The following TSPAN5 variants were observed in gnomAD, a reference collection of about 807,000 sequenced individuals.
The protein encoded by TSPAN5 is tetraspanin 5.
In TSPAN5, 10 loss-of-function variants were observed where a neutral mutation model predicts 37.1. That is an observed-to-expected ratio of 0.27 (90% confidence interval 0.17 to 0.46). The LOEUF (loss-of-function observed/expected upper bound fraction) is 0.46. Ranked by LOEUF, TSPAN5 falls within the 20% of genes least tolerant of loss-of-function variation. The pLI, the probability that TSPAN5 is intolerant of heterozygous loss-of-function variation, is 1.00. For missense variants in TSPAN5, 195 were observed against 326.6 expected, an observed-to-expected ratio of 0.60 and a Z score of 3.11; for synonymous variants, 110 against 118.9, an observed-to-expected ratio of 0.93 and a Z score of 0.48.
At position 98,549,364 on chromosome 4, in the gene TSPAN5, G is replaced by A. The variant is rs945861232; in HGVS notation, c.82-41636C>T. 5.3e-5 allele frequency among the ~76,000 whole-genome samples: 8 copies of A among 150,662 alleles called. No individual in the cohort carries two copies. The East Asian group carries it at 1.6e-3, about 29-fold the overall frequency. ...GTCACCCAGGATGGAGTGCAGTGGT[G>A]TGATTTCGGCTCACTGCAACCTCTG... On this transcript the variant is annotated intron_variant, in intron 1 of 7. Transcript: ENST00000305798.
At chr4:98,651,398 C>T (rs1757182304) in intron 1 of TSPAN5, among the ~76,000 whole-genome samples, 1 of 152,178 alleles carries the variant, frequency 6.6e-6, no homozygotes, top group Non-Finnish European at 1.5e-5. Flanking sequence ...TGCTTTAAAA[C>T]ATTATGGGAG....
intron 2 of TSPAN5, 124 bp downstream of exon 2, chr4:98,507,554 C>T (rs546896447): frequency 1.3e-5 from 8 of 628,370 alleles, no homozygotes; most frequent in African/African-American, 5.6e-5. Flanking sequence ...TCCACCAACA[C>T]TTTTTCTTGT....
rs1560532920 is a variant in TSPAN5 at position 98,549,292 on chromosome 4, G to GGTTTT, written c.82-41565_82-41564insAAAAC. ...GTGGTTGTTTTATTTTTGTTTGTTTGTTTGTTTTTGTTTTTTTTTGTTTTT... is the reference window on the plus strand; with the variant it reads ...GTGGTTGTTTTATTTTTGTTTGTTTGGTTTTTTTGTTTTTGTTTTTTTTTGTTTTT... On this transcript the variant is annotated intron_variant, in intron 1 of 7. Coordinates refer to ENST00000305798, the MANE Select transcript of TSPAN5 (RefSeq NM_005723.4). Among the ~76,000 whole-genome samples the GGTTTT allele has an allele frequency of 1.3e-4, 19 of 147,162 alleles. 1 individual carries two copies. Among genetic ancestry groups the GGTTTT allele is most frequent in the African/African-American group, 4.9e-4 (19 of 38,712 alleles).
intron 1 of TSPAN5, among the ~76,000 whole-genome samples, chr4:98,630,409 A>C (rs1472819518): frequency 6.6e-6 from 1 of 152,070 alleles, no homozygotes; most frequent in Non-Finnish European, 1.5e-5. Flanking sequence ...CTTATACACC[A>C]CTTCTCGTTT....
chr4:98,477,416 A>C (rs543647480), intron 5 of TSPAN5, among the ~76,000 whole-genome samples: 2 of 152,020 alleles, frequency 1.3e-5, no homozygotes, highest in Admixed American at 1.3e-4. Context: ...CTGCTTTTCC[A>C]CTCCAAGACC....
At chr4:98,604,773 C>T (rs1291985066) in intron 1 of TSPAN5, among the ~76,000 whole-genome samples, 1 of 152,232 alleles carries the variant, frequency 6.6e-6, no homozygotes, top group Non-Finnish European at 1.5e-5. Flanking sequence ...TGAGCACATA[C>T]TACAGTCTCA....
intron 1 of TSPAN5, among the ~76,000 whole-genome samples, chr4:98,645,734 C>G (rs1757052124): frequency 6.6e-6 from 1 of 152,100 alleles, no homozygotes; most frequent in Non-Finnish European, 1.5e-5. Flanking sequence ...TTCGTGTTTA[C>G]GCAACAGGGA....
chr4:98,489,634 G>A lies in TSPAN5; in HGVS notation c.133-2750C>T, dbSNP rs72688439. On this transcript the variant is annotated intron_variant, in intron 2 of 7. Coordinates refer to ENST00000305798, the MANE Select transcript of TSPAN5 (RefSeq NM_005723.4). ...AGCCACCACTGACTTCCACCCCTCC[G>A]GATCCGGCAGGGTATCCGCTGTGCT... 3.9e-3 allele frequency among the ~76,000 whole-genome samples: 587 copies of A among 152,258 alleles called. 4 individuals are homozygous for A. The highest frequency in any genetic ancestry group is 0.012 in the South Asian group (58 of 4,824).
At chr4:98,644,160 A>G (rs1757014791) in intron 1 of TSPAN5, among the ~76,000 whole-genome samples, 1 of 152,096 alleles carries the variant, frequency 6.6e-6, no homozygotes, top group African/African-American at 2.4e-5. Context: ...GTTTATTCAC[A>G]AGGTATTTGC....
intron 1 of TSPAN5, among the ~76,000 whole-genome samples, chr4:98,553,106 G>A (rs1754659912): frequency 6.6e-6 from 1 of 152,124 alleles, no homozygotes; most frequent in Non-Finnish European, 1.5e-5. Flanking sequence ...AATTTTATAT[G>A]TATTTAAATT....
Position 98,658,544 on chromosome 4 carries a change from C to T in TSPAN5, c.-318G>A, listed in dbSNP as rs925923040. 3.4e-5 allele frequency: 6 copies of T among 178,686 alleles called. No individual in the cohort carries two copies. The highest frequency in any genetic ancestry group is 1.2e-4 in the African/African-American group (5 of 42,492). The allele number at this position is 178,686 out of a possible 1,614,324, so 11.1% of individuals were successfully genotyped here. A position where few individuals can be genotyped will look rare whatever the true frequency, so the allele number is the denominator to read the frequency against. Reference sequence around the variant, plus strand: ...GCGTCCGTGCGCCAGGCGGTCGGTCCGTCGGTTCGTCCCCGGGCTTCGGGC... The same window carrying T: ...GCGTCCGTGCGCCAGGCGGTCGGTCTGTCGGTTCGTCCCCGGGCTTCGGGC... On this transcript the variant is annotated 5_prime_UTR_variant, in exon 1 of 8. Transcript: ENST00000305798.
intron 1 of TSPAN5, among the ~76,000 whole-genome samples, chr4:98,522,352 C>G (rs955609496): frequency 6.6e-6 from 1 of 152,216 alleles, no homozygotes; most frequent in African/African-American, 2.4e-5. Context: ...TGAATTTTCT[C>G]CTGGTGGGCC....
intron 1 of TSPAN5, among the ~76,000 whole-genome samples, chr4:98,552,139 CT>C (rs11284973): frequency 0.052 from 7,853 of 151,970 alleles, 479 homozygotes; most frequent in Admixed American, 0.13. Context: ...TTTTGTTTAT[CT>C]TTTCAAAAAA....
chr4:98,533,771 C>T (rs1443224620), intron 1 of TSPAN5, among the ~76,000 whole-genome samples: 5 of 148,570 alleles, frequency 3.4e-5, no homozygotes, highest in Admixed American at 6.7e-5. Flanking sequence ...AGGATGGTCT[C>T]GATCGCCTGA....
intron 1 of TSPAN5, among the ~76,000 whole-genome samples, chr4:98,634,583 G>A (rs916029425): frequency 6.6e-6 from 1 of 152,150 alleles, no homozygotes; most frequent in African/African-American, 2.4e-5. Flanking sequence ...CATAAGGAGG[G>A]AAAAACGCTT....
chr4:98,539,149 A>C (rs1047716115), intron 1 of TSPAN5, among the ~76,000 whole-genome samples: 3 of 152,096 alleles, frequency 2.0e-5, no homozygotes, highest in African/African-American at 7.2e-5. Flanking sequence ...CACCAAAAAA[A>C]AAAAAAACCA....
At chr4:98,521,051 C>A (rs1753843134) in intron 1 of TSPAN5, among the ~76,000 whole-genome samples, 1 of 152,180 alleles carries the variant, frequency 6.6e-6, no homozygotes, top group Non-Finnish European at 1.5e-5. Flanking sequence ...CCTGCCTCAG[C>A]CTCCTGAGTA....
rs1038081383 is a variant in TSPAN5, at chr4:98,470,788, G to A, written c.*1734C>T. ...CAGTTTTGAAAATAATTTCCTTTTT[G>A]TCCTTTCTCTGAGCAGACTGACACA... On this transcript the variant is annotated 3_prime_UTR_variant, in exon 8 of 8. Coordinates refer to ENST00000305798, the MANE Select transcript of TSPAN5 (RefSeq NM_005723.4). 6.6e-6 allele frequency: 1 copy of A among 152,232 alleles called. No homozygotes were observed. The highest frequency in any genetic ancestry group is 2.4e-5 in the African/African-American group (1 of 41,448). The allele number at this position is 152,232 out of a possible 1,614,324, so 9.4% of individuals were successfully genotyped here. A position where few individuals can be genotyped will look rare whatever the true frequency, so the allele number is the denominator to read the frequency against.
At chr4:98,648,099 T>C (rs1579054632) in intron 1 of TSPAN5, among the ~76,000 whole-genome samples, 1 of 152,006 alleles carries the variant, frequency 6.6e-6, no homozygotes, top group Non-Finnish European at 1.5e-5. Flanking sequence ...CTGGCAAATA[T>C]CATGTCTGGG....
Sources: allele counts gnomAD v4.1 joint callset (sites outside exome capture counted in the v4.1 genomes callset), GRCh38; gene constraint gnomAD v4.1.1; transcripts MANE v1.5; gene names NCBI Gene and HGNC (gene_info 2026-07-23, HGNC 2026-07-21).